The following EDA variants were observed in gnomAD, a reference collection of about 807,000 sequenced individuals.
EDA encodes ectodysplasin A, also known as ectodysplasin-A.
A neutral mutation model predicts 23.6 loss-of-function variants in EDA; 2 were observed. The ratio of observed to expected loss-of-function variants is 0.08; its 90% CI spans 0.03 to 0.27. The LOEUF (loss-of-function observed/expected upper bound fraction) is 0.27. Among genes scored for constraint, EDA ranks in the 10% least tolerant of loss-of-function variants. EDA has a pLI of 1.00. For missense variants in EDA, 229 were observed against 324.2 expected (o/e 0.71, Z 2.26); for synonymous variants, 131 against 132.0 (o/e 0.99, Z 0.05).
intron 1 of EDA, among the ~76,000 whole-genome samples, chrX:69,667,027 T>C (rs2147262201): frequency 9.0e-6 from 1 of 111,603 alleles, no homozygotes; most frequent in South Asian, 3.8e-4. Context: ...GTAGGTTGTA[T>C]TTTTCTAGGA....
chrX:69,843,617 C>T (rs1208524425), intron 1 of EDA, among the ~76,000 whole-genome samples: 1 of 110,820 alleles, frequency 9.0e-6, no homozygotes, highest in East Asian at 2.8e-4. Flanking sequence ...CTGGGTAACT[C>T]AGTTGCTTTA....
At chrX:69,827,293 G>A (rs1276674822) in intron 1 of EDA, among the ~76,000 whole-genome samples, 1 of 112,190 alleles carries the variant, frequency 8.9e-6, no homozygotes, top group Non-Finnish European at 1.9e-5. Context: ...CTTGCAGACT[G>A]TTTTCCAACT....
At chrX:69,735,453 ATTGT>A (rs943206702) in intron 1 of EDA, among the ~76,000 whole-genome samples, 3 of 111,644 alleles carry the variant, frequency 2.7e-5, no homozygotes, top group East Asian at 5.7e-4. Flanking sequence ...CTGTCGTTTA[ATTGT>A]TTGTTTTCTG....
intron 1 of EDA, among the ~76,000 whole-genome samples, chrX:69,877,218 G>A (rs923611653): frequency 1.8e-5 from 2 of 111,859 alleles, no homozygotes; most frequent in Non-Finnish European, 3.8e-5. Flanking sequence ...GGCTGAGGCA[G>A]GACAACTTGA....
chrX:69,711,506 A>T (rs2012033353), intron 1 of EDA, among the ~76,000 whole-genome samples: 1 of 111,821 alleles, frequency 8.9e-6, no homozygotes, highest in Non-Finnish European at 1.9e-5. Flanking sequence ...TGCTGACCTC[A>T]TAAAATGAGT....
At position 69,616,139 on chromosome X, in the gene EDA, T is replaced by A. The variant is rs1228118384; in HGVS notation, c.-170T>A. ...CCTTTCCCACCCCTCGGAGTAGAGCTGCACATGCGGCTGCTCCCTGCTCCG... is the reference window on the plus strand; with the variant it reads ...CCTTTCCCACCCCTCGGAGTAGAGCAGCACATGCGGCTGCTCCCTGCTCCG... On this transcript the variant is annotated 5_prime_UTR_variant, in exon 1 of 8. Transcript: ENST00000374552. 2 of 417,655 alleles carry A rather than the reference T, an allele frequency of 4.8e-6. No individual in the cohort carries two copies. Among genetic ancestry groups the A allele is most frequent in the African/African-American group, 2.5e-5 (1 of 39,475 alleles). The allele number at this position is 417,655 out of a possible 1,213,427, so 34.4% of individuals were successfully genotyped here.
intron 1 of EDA, among the ~76,000 whole-genome samples, chrX:69,810,174 C>G (rs1188065558): frequency 6.7e-5 from 6 of 90,127 alleles, no homozygotes; most frequent in African/African-American, 2.5e-4. Context: ...AGGAGAATTG[C>G]CTGAACCTGG....
chrX:69,976,399 T>A (rs1395934732), intron 2 of EDA, among the ~76,000 whole-genome samples: 1 of 111,632 alleles, frequency 9.0e-6, no homozygotes, highest in Admixed American at 9.6e-5. Context: ...GGAGTTACAG[T>A]CCTCTATCGT....
chrX:69,696,683 C>T (rs1239427671), intron 1 of EDA, among the ~76,000 whole-genome samples: 1 of 111,238 alleles, frequency 9.0e-6, no homozygotes, highest in Non-Finnish European at 1.9e-5. Context: ...TAGTGAAAAC[C>T]CAGGAAGTAA....
intron 1 of EDA, chrX:69,687,709 G>C (rs904236385): frequency 5.4e-5 from 6 of 110,964 alleles, no homozygotes; most frequent in Non-Finnish European, 9.5e-5. Context: ...TTTACATTTA[G>C]GTCTGTGATC....
At chrX:69,674,567 C>A (rs1445829825) in intron 1 of EDA, among the ~76,000 whole-genome samples, 1 of 111,686 alleles carries the variant, frequency 9.0e-6, no homozygotes, top group African/African-American at 3.3e-5. Flanking sequence ...TGATATTATT[C>A]TTTCATGGAA....
intron 1 of EDA, among the ~76,000 whole-genome samples, chrX:69,655,384 C>T (rs1188612225): frequency 9.0e-6 from 1 of 111,147 alleles, no homozygotes; most frequent in Non-Finnish European, 1.9e-5. Flanking sequence ...ACGAGGGAAA[C>T]TCCATCTCAA....
At chrX:69,711,794 G>C (rs1490205248) in intron 1 of EDA, among the ~76,000 whole-genome samples, 4 of 111,697 alleles carry the variant, frequency 3.6e-5, no homozygotes, top group African/African-American at 1.3e-4. Flanking sequence ...GGTGTTTATA[G>C]TATTCTCTGA....
intron 1 of EDA, among the ~76,000 whole-genome samples, chrX:69,625,037 A>G (rs1434581383): frequency 1.8e-5 from 2 of 111,363 alleles, no homozygotes; most frequent in Non-Finnish European, 3.8e-5. Context: ...TAGAAGCAGA[A>G]TCAGCTTATC....
chrX:69,872,788 A>G (rs1359649435), intron 1 of EDA, among the ~76,000 whole-genome samples: 1 of 111,622 alleles, frequency 9.0e-6, no homozygotes, highest in Non-Finnish European at 1.9e-5. Flanking sequence ...ATACACAGCA[A>G]CATAATAATA....
At chrX:69,915,127 TA>T (rs2018321375) in intron 1 of EDA, among the ~76,000 whole-genome samples, 1 of 112,000 alleles carries the variant, frequency 8.9e-6, no homozygotes, top group South Asian at 3.7e-4. Flanking sequence ...TATTCACCCT[TA>T]TAGGAAATTT....
chrX:69,906,036 C>T (rs1213710443), intron 1 of EDA, among the ~76,000 whole-genome samples: 1 of 111,562 alleles, frequency 9.0e-6, no homozygotes, highest in Non-Finnish European at 1.9e-5. Context: ...GAAACCAGGT[C>T]ATCTATGTCT....
intron 1 of EDA, among the ~76,000 whole-genome samples, chrX:69,891,593 C>T (rs1015693784): frequency 4.1e-4 from 46 of 111,260 alleles, no homozygotes; most frequent in African/African-American, 1.4e-3. Flanking sequence ...TAAAAAGGAA[C>T]GAGATCATGT....
chrX:69,974,668 C>T (rs754055523), intron 2 of EDA, among the ~76,000 whole-genome samples: 97 of 111,640 alleles, frequency 8.7e-4, no homozygotes, highest in African/African-American at 3.0e-3. Context: ...GGTCTGATAT[C>T]CAGAATCTAT....
Sources: allele counts gnomAD v4.1 joint callset (sites outside exome capture counted in the v4.1 genomes callset), GRCh38; gene constraint gnomAD v4.1.1; transcripts MANE v1.5; gene names NCBI Gene and HGNC (gene_info 2026-07-23, HGNC 2026-07-21).